The following CRACR2A variants were observed in gnomAD, a reference collection of about 807,000 sequenced individuals.
The protein encoded by CRACR2A is EF-hand calcium-binding domain-containing protein 4B.
CRACR2A carries 79 observed loss-of-function variants against 90.5 expected under a neutral mutation model. That is an observed-to-expected ratio of 0.87 (90% CI 0.73 to 1.05). CRACR2A has a LOEUF of 1.05. Ranked by LOEUF, CRACR2A falls within the 50% of genes least tolerant of loss-of-function variation. CRACR2A has a pLI of 0.00. For synonymous variants in CRACR2A, 338 were observed against 356.7 expected (o/e 0.95, Z 0.59); for missense variants, 823 against 897.2 (o/e 0.92, Z 1.06).
At position 3,720,413 on chromosome 12, in the gene CRACR2A, GAGGAAGAAAGAAAGAAAGAAAGA is replaced by G. The variant is rs1565501129; in HGVS notation, c.-117-7119_-117-7097del. Among the ~76,000 whole-genome samples the G allele has an allele frequency of 1.3e-4, 4 of 31,314 alleles. No individual in the cohort carries two copies. In the Admixed American group the frequency reaches 1.3e-3, roughly 10 times the overall value. 20.5% of individuals were successfully genotyped at this position (31,314 alleles called of 152,430 possible). ...AGGGGGGGAGGGACGGAGTGAGAGA[GAGGAAGAAAGAAAGAAAGAAAGA>G]AAGAAAGAAAGAAAGAAAGAAAGAA... On this transcript the variant is annotated intron_variant, in intron 2 of 19. Transcript: ENST00000440314.
At chr12:3,655,420 G>A (rs1203925481) in intron 9 of CRACR2A, among the ~76,000 whole-genome samples, 2 of 152,192 alleles carry the variant, frequency 1.3e-5, no homozygotes, top group Non-Finnish European at 1.5e-5. Flanking sequence ...AGCAGCAGTG[G>A]AATAGTCTCT....
At chr12:3,748,147 T>G (rs1346868516) in intron 1 of CRACR2A, among the ~76,000 whole-genome samples, 1 of 152,184 alleles carries the variant, frequency 6.6e-6, no homozygotes, top group Admixed American at 6.5e-5. Context: ...AAAACACGGT[T>G]TCCACTTTCC....
At chr12:3,629,945 G>T (rs1381579513) in intron 15 of CRACR2A, among the ~76,000 whole-genome samples, 4 of 152,096 alleles carry the variant, frequency 2.6e-5, no homozygotes, top group African/African-American at 9.7e-5. Flanking sequence ...GGACCAGAGG[G>T]CCTGGATGAA....
At chr12:3,736,883 TAGC>T (rs1029198215) in intron 1 of CRACR2A, among the ~76,000 whole-genome samples, 1 of 152,160 alleles carries the variant, frequency 6.6e-6, no homozygotes, top group African/African-American at 2.4e-5. Context: ...AACTCAGTAA[TAGC>T]AGTCCCAGTG....
chr12:3,745,825 T>TAAAATAAAAAG (rs149739964), intron 1 of CRACR2A, among the ~76,000 whole-genome samples: 1 of 100,486 alleles, frequency 1.0e-5, no homozygotes, highest in Non-Finnish European at 2.0e-5. Context: ...TAAAATAAAA[T>TAAAATAAAAAG]AAAGAAAGAA....
chr12:3,632,704 C>CTG (rs1451288926), intron 15 of CRACR2A, among the ~76,000 whole-genome samples: 1 of 152,206 alleles, frequency 6.6e-6, no homozygotes, highest in Non-Finnish European at 1.5e-5. Context: ...GTTTCCTGAT[C>CTG]TGTCGACTGT....
At chr12:3,637,627 C>T (rs1186750565) in intron 14 of CRACR2A, among the ~76,000 whole-genome samples, 1 of 152,050 alleles carries the variant, frequency 6.6e-6, no homozygotes, top group African/African-American at 2.4e-5. Context: ...TACACACACC[C>T]CTTCCCCTTT....
intron 12 of CRACR2A, among the ~76,000 whole-genome samples, chr12:3,642,362 G>A (rs906212414): frequency 3.9e-5 from 6 of 152,002 alleles, no homozygotes; most frequent in African/African-American, 4.8e-5. Flanking sequence ...GATTATAGGC[G>A]CCCTACCATG....
At chr12:3,707,916 T>C (rs1480875577) in intron 3 of CRACR2A, among the ~76,000 whole-genome samples, 1 of 152,228 alleles carries the variant, frequency 6.6e-6, no homozygotes, top group Middle Eastern at 3.2e-3. Flanking sequence ...AGTAACACTA[T>C]CCCCACTTTA....
At chr12:3,720,368 A>G (rs1946143787) in intron 2 of CRACR2A, among the ~76,000 whole-genome samples, 2 of 124,800 alleles carry the variant, frequency 1.6e-5, no homozygotes, top group Admixed American at 8.4e-5. Flanking sequence ...AGAAAGAGAG[A>G]GAGAAACGAA....
intron 3 of CRACR2A, among the ~76,000 whole-genome samples, chr12:3,698,642 T>C (rs986714546): frequency 3.3e-5 from 5 of 152,210 alleles, no homozygotes; most frequent in African/African-American, 1.2e-4. Context: ...CAGGAAATGT[T>C]CTTTCTCGTC....
In CRACR2A at chr12:3,696,860, C is replaced by G. The variant is rs201442749; in HGVS notation, c.140G>C (p.Gly47Ala). The G allele has an allele frequency of 1.9e-6, 3 of 1,614,206 alleles. No individual in the cohort carries two copies. Among genetic ancestry groups the G allele is most frequent in the Admixed American group, 1.7e-5 (1 of 60,022 alleles). Residue 47 changes from glycine (G) to alanine (A), a missense_variant, in exon 4 of 20, where the codon GGC (glycine) becomes GCC (alanine). Transcript: ENST00000440314. The part of the protein sequence containing the change: ...EQKETQEQTS[G>A]QLVMLRKAQE... ...TGCCTTCCTCAGCATGACTAGCTGGCCCGACGTTTGCTCCTGAGTCTCCTT... is the reference window on the plus strand; with the variant it reads ...TGCCTTCCTCAGCATGACTAGCTGGGCCGACGTTTGCTCCTGAGTCTCCTT...
At chr12:3,663,116 T>A (rs1472853798) in intron 7 of CRACR2A, among the ~76,000 whole-genome samples, 1 of 152,110 alleles carries the variant, frequency 6.6e-6, no homozygotes, top group Non-Finnish European at 1.5e-5. Context: ...TCATGTTGTC[T>A]CAATTAGGTT....
At chr12:3,709,911 A>G (rs1237159863) in intron 3 of CRACR2A, among the ~76,000 whole-genome samples, 1 of 152,262 alleles carries the variant, frequency 6.6e-6, no homozygotes, top group Non-Finnish European at 1.5e-5. Flanking sequence ...TACCTGATAC[A>G]ATATGGACTA....
intron 2 of CRACR2A, among the ~76,000 whole-genome samples, chr12:3,716,644 A>C (rs1227466365): frequency 2.6e-5 from 4 of 152,198 alleles, no homozygotes; most frequent in Non-Finnish European, 5.9e-5. Context: ...ATCCCTTCTT[A>C]AAATGAGCTG....
At position 3,696,845 on chromosome 12, in the gene CRACR2A, A is replaced by G. The variant is rs755127264; in HGVS notation, c.155T>C (p.Leu52Pro). Residue 52 changes from leucine to proline, a missense_variant, in exon 4 of 20, where the codon CTG becomes CCG. Physicochemically the swap from Leu to Pro is moderately conservative, Grantham distance 98. Transcript: ENST00000440314. ...CTGAAAGAACTCCTGTGCCTTCCTC[A>G]GCATGACTAGCTGGCCCGACGTTTG... The part of the protein sequence containing the change: ...QEQTSGQLVM[L>P]RKAQEFFQTC... 26 of 1,614,070 alleles carry G rather than the reference A, an allele frequency of 1.6e-5. No homozygotes were observed. Among genetic ancestry groups the G allele is most frequent in the African/African-American group, 2.7e-5 (2 of 74,922 alleles).
chr12:3,730,460 T>G (rs773348864), intron 2 of CRACR2A: 1 of 152,228 alleles, frequency 6.6e-6, no homozygotes, highest in Non-Finnish European at 1.5e-5. Flanking sequence ...TTTTCAGAAT[T>G]TTTAAATGTT....
chr12:3,619,776 G>A (rs1439217997), intron 17 of CRACR2A, among the ~76,000 whole-genome samples: 3 of 152,210 alleles, frequency 2.0e-5, no homozygotes, highest in Admixed American at 6.5e-5. Flanking sequence ...GGCTTAGTCC[G>A]ATGGACCAAG....
intron 1 of CRACR2A, among the ~76,000 whole-genome samples, chr12:3,738,316 C>A (rs1946476946): frequency 6.6e-6 from 1 of 152,220 alleles, no homozygotes; most frequent in Admixed American, 6.5e-5. Context: ...GGGCCAGGGG[C>A]TTCTTTAGAT....
Sources: gnomAD v4.1 joint callset for allele counts (sites outside exome capture counted in the v4.1 genomes callset) on GRCh38, gnomAD v4.1.1 for gene constraint, MANE v1.5 for transcripts, NCBI Gene and HGNC (gene_info 2026-07-23, HGNC 2026-07-21) for gene names.